The following ULK4 variants were observed in gnomAD, a reference collection of about 807,000 sequenced individuals.
The protein encoded by ULK4 is inactive serine/threonine-protein kinase ULK4.
A neutral mutation model predicts 160.6 loss-of-function variants in ULK4; 133 were observed. The ratio of observed to expected loss-of-function variants is 0.83; its 90% CI spans 0.72 to 0.96. ULK4 has a LOEUF of 0.96. Among genes scored for constraint, ULK4 ranks in the 40% least tolerant of loss-of-function variants. The probability of loss-of-function intolerance (pLI) is 0.00; values close to 1 mark genes in which losing one functional copy is unlikely to be tolerated. For synonymous variants in ULK4, 534 were observed against 539.8 expected, an observed-to-expected ratio of 0.99 and a Z score of 0.15; for missense variants, 1,580 against 1,499.5, an observed-to-expected ratio of 1.05 and a Z score of -0.89.
rs745380313 is a variant in ULK4 at position 41,663,638 on chromosome 3, C to T, written c.3040G>A (p.Ala1014Thr). ...VPAYALKLLVAMTEHNPTFTR... is the reference protein window; with the variant it reads ...VPAYALKLLVTMTEHNPTFTR... Reference sequence around the variant, plus strand: ...AAAGTTGGGTTGTGTTCAGTCATCGCGACTAGCAGTTTCAGAGCATATGCT... The same window carrying T: ...AAAGTTGGGTTGTGTTCAGTCATCGTGACTAGCAGTTTCAGAGCATATGCT... Residue 1014 changes from alanine (A) to threonine (T), a missense_variant, in exon 30 of 37, where the codon GCG (alanine) becomes ACG (threonine). Transcript: ENST00000301831. The T allele has an allele frequency of 2.4e-5, 38 of 1,613,732 alleles. No homozygotes were observed. Among genetic ancestry groups the T allele is most frequent in the South Asian group, 7.7e-5 (7 of 91,084 alleles).
intron 33 of ULK4, among the ~76,000 whole-genome samples, chr3:41,461,922 A>C (rs987996158): frequency 6.6e-6 from 1 of 152,218 alleles, no homozygotes; most frequent in Non-Finnish European, 1.5e-5. Context: ...TAGAATGGAG[A>C]GGAAAAGATA....
intron 27 of ULK4, among the ~76,000 whole-genome samples, chr3:41,698,076 G>A (rs1472016161): frequency 6.6e-6 from 1 of 152,130 alleles, no homozygotes; most frequent in Non-Finnish European, 1.5e-5. Flanking sequence ...TTGTAGCCTA[G>A]AAGCAATAGG....
chr3:41,867,305 C>T (rs1696927641), intron 17 of ULK4, among the ~76,000 whole-genome samples: 1 of 152,134 alleles, frequency 6.6e-6, no homozygotes, highest in South Asian at 2.1e-4. Context: ...GGGCACTTAC[C>T]GGAAATGCGA....
intron 22 of ULK4, among the ~76,000 whole-genome samples, chr3:41,752,635 C>A (rs1381397720): frequency 6.6e-6 from 1 of 152,188 alleles, no homozygotes; most frequent in Non-Finnish European, 1.5e-5. Flanking sequence ...AGTGACAAAT[C>A]TGCTCAATGA....
chr3:41,794,646 G>A (rs113068512), intron 20 of ULK4, among the ~76,000 whole-genome samples: 8 of 64,272 alleles, frequency 1.2e-4, no homozygotes, highest in East Asian at 6.6e-4. Context: ...GGGTGACAGA[G>A]CAAGACTCTG....
At chr3:41,630,091 T>C (rs2033684455) in intron 30 of ULK4, among the ~76,000 whole-genome samples, 1 of 152,178 alleles carries the variant, frequency 6.6e-6, no homozygotes, top group African/African-American at 2.4e-5. Flanking sequence ...CAATGGGGCC[T>C]TGTATTAGTT....
At chr3:41,458,717 T>C (rs1345076760) in intron 33 of ULK4, among the ~76,000 whole-genome samples, 1 of 152,200 alleles carries the variant, frequency 6.6e-6, no homozygotes, top group African/African-American at 2.4e-5. Flanking sequence ...GTAAGGCATC[T>C]ATAAAGAACA....
Position 41,789,777 on chromosome 3 carries a change from T to A in ULK4, c.2077A>T (p.Asn693Tyr). 1 of 1,613,784 alleles carries A rather than the reference T, an allele frequency of 6.2e-7. No individual in the cohort carries two copies. The highest frequency in any genetic ancestry group is 1.1e-5 in the South Asian group (1 of 91,038). The change falls in exon 21 of 37, where the codon AAC becomes TAC. Residue 693 changes from asparagine (N) to tyrosine (Y), a missense_variant. Transcript: ENST00000301831. Reference sequence around the variant, plus strand: ...GAGGCCAGGGAGTTTATTACTGAGTTCAGTCCCACCTTTTCAATAACATTC... The same window carrying A: ...GAGGCCAGGGAGTTTATTACTGAGTACAGTCCCACCTTTTCAATAACATTC... ...FQNVIEKVGL[N>Y]SVINSLASAI... is the part of the protein sequence containing the mutation.
chr3:41,824,862 GCCT>G (rs1462293748), intron 18 of ULK4, among the ~76,000 whole-genome samples: 3 of 152,188 alleles, frequency 2.0e-5, no homozygotes, highest in East Asian at 1.9e-4. Flanking sequence ...CGGACAGACT[GCCT>G]CCTCAAGTGG....
chr3:41,340,112 C>T (rs909044191), intron 35 of ULK4, among the ~76,000 whole-genome samples: 1 of 152,182 alleles, frequency 6.6e-6, no homozygotes, highest in Non-Finnish European at 1.5e-5. Context: ...TTGCTGGAAG[C>T]ATGTGTGTTA....
At chr3:41,524,987 GCTAAGT>G (rs1252099265) in intron 32 of ULK4, among the ~76,000 whole-genome samples, 1 of 151,970 alleles carries the variant, frequency 6.6e-6, no homozygotes, top group Non-Finnish European at 1.5e-5. Context: ...AGGAAGAGGA[GCTAAGT>G]CTGAGATAAA....
At chr3:41,806,130 G>C (rs1017971742) in intron 19 of ULK4, among the ~76,000 whole-genome samples, 9 of 146,624 alleles carry the variant, frequency 6.1e-5, no homozygotes, top group African/African-American at 2.1e-4. Context: ...CTTTTTCGTT[G>C]GTAAGCTATT....
At chr3:41,521,469 T>G (rs966369) in intron 32 of ULK4, among the ~76,000 whole-genome samples, 47,559 of 152,064 alleles carry the variant, frequency 0.31, 7,683 homozygotes, top group Non-Finnish European at 0.33. Context: ...TGAAAATGAG[T>G]TATTTCCCAC....
chr3:41,866,428 G>A (rs561515120), intron 17 of ULK4, among the ~76,000 whole-genome samples: 80 of 152,330 alleles, frequency 5.3e-4, no homozygotes, highest in African/African-American at 1.9e-3. Flanking sequence ...GGATGAAACT[G>A]TACTGCCTCA....
At chr3:41,622,851 G>C (rs566975907) in intron 30 of ULK4, among the ~76,000 whole-genome samples, 1 of 152,220 alleles carries the variant, frequency 6.6e-6, no homozygotes, top group East Asian at 1.9e-4. Context: ...ATAGCTAATA[G>C]CCCAAATATT....
At chr3:41,343,295 C>CTTTTTTTTTTTT (rs55691966) in intron 35 of ULK4, among the ~76,000 whole-genome samples, 1 of 85,334 alleles carries the variant, frequency 1.2e-5, no homozygotes, top group Non-Finnish European at 2.3e-5. Flanking sequence ...AGCCCAAAAA[C>CTTTTTTTTTTTT]TTTTTTTTTT....
At chr3:41,342,928 G>A (rs1416824333) in intron 35 of ULK4, among the ~76,000 whole-genome samples, 3 of 152,086 alleles carry the variant, frequency 2.0e-5, no homozygotes, top group Non-Finnish European at 4.4e-5. Flanking sequence ...AAAACCACAT[G>A]ATTATCTTAA....
chr3:41,614,869 C>T (rs2032881848), intron 31 of ULK4, among the ~76,000 whole-genome samples: 1 of 152,154 alleles, frequency 6.6e-6, no homozygotes, highest in Non-Finnish European at 1.5e-5. Context: ...CTACTGATGA[C>T]CAAGGTAAGT....
rs982430110 is a variant in ULK4, at chr3:41,909,892, A to G, written c.1085+1425T>C. ...TATTTTAAATACTTTAAATATTTAC[A>G]TACTACTAAATTTTTTTTTTTGAGA... On this transcript the variant is annotated intron_variant, in intron 11 of 36. Coordinates refer to ENST00000301831, the MANE Select transcript of ULK4 (RefSeq NM_017886.4). Among the ~76,000 whole-genome samples the G allele has an allele frequency of 1.7e-4, 26 of 152,146 alleles. 1 individual carries two copies. Among genetic ancestry groups the G allele is most frequent in the Non-Finnish European group, 7.3e-5 (5 of 68,034 alleles).
Sources: allele counts gnomAD v4.1 joint callset (sites outside exome capture counted in the v4.1 genomes callset), GRCh38; gene constraint gnomAD v4.1.1; transcripts MANE v1.5; gene names NCBI Gene and HGNC (gene_info 2026-07-23, HGNC 2026-07-21).